Variants in SLC9A9 observed in about 807,000 individuals in gnomAD.
The protein encoded by SLC9A9 is solute carrier family 9 member A9, also known as sodium/hydrogen exchanger 9.
SLC9A9 carries 62 observed loss-of-function variants against 77.8 expected under a neutral mutation model. That is an observed-to-expected ratio of 0.80 (90% CI 0.65 to 0.98). The LOEUF is 0.98. Among genes scored for constraint, SLC9A9 ranks in the 50% least tolerant of loss-of-function variants. The pLI, the probability that SLC9A9 is intolerant of heterozygous loss-of-function variation, is 0.00. For synonymous variants in SLC9A9, 320 were observed against 283.5 expected (o/e 1.13, Z -1.29); for missense variants, 775 against 774.9 (o/e 1.00, Z 0.00).
intron 4 of SLC9A9, among the ~76,000 whole-genome samples, chr3:143,794,403 C>T (rs1275635385): frequency 1.3e-5 from 2 of 151,956 alleles, no homozygotes; most frequent in East Asian, 3.9e-4. Flanking sequence ...TTTGGTACCA[C>T]ATTTTACTTT....
At chr3:143,814,434 C>A (rs560091220) in intron 2 of SLC9A9, among the ~76,000 whole-genome samples, 1 of 151,958 alleles carries the variant, frequency 6.6e-6, no homozygotes, top group Non-Finnish European at 1.5e-5. Context: ...AGTGGCCCTA[C>A]CAGGGAGAGA....
intron 14 of SLC9A9, among the ~76,000 whole-genome samples, chr3:143,318,331 T>G (rs1198638175): frequency 6.6e-6 from 1 of 152,194 alleles, no homozygotes; most frequent in Non-Finnish European, 1.5e-5. Context: ...CTGCAATCTT[T>G]AAAATAAAAT....
rs867340323 is a variant in SLC9A9 at position 143,449,515 on chromosome 3, A to T, written c.1469+17522T>A. Among the ~76,000 whole-genome samples, 41 of 15,630 alleles carry T rather than the reference A, an allele frequency of 2.6e-3. 6 individuals are homozygous for T. The highest frequency in any genetic ancestry group is 8.4e-3 in the Admixed American group (5 of 592). 10.3% of individuals were successfully genotyped at this position (15,630 alleles called of 152,430 possible). A position where few individuals can be genotyped will look rare whatever the true frequency, so the allele number is the denominator to read the frequency against. ...ATTATATAATTATATAAAATATAAT[A>T]ATTATATAATTATATAAAATATAAT... is the stretch of plus-strand genomic sequence containing the variant. On this transcript the variant is annotated intron_variant, in intron 12 of 15. Coordinates refer to ENST00000316549, the MANE Select transcript of SLC9A9 (RefSeq NM_173653.4).
intron 11 of SLC9A9, among the ~76,000 whole-genome samples, chr3:143,468,185 C>A (rs2035317918): frequency 6.6e-6 from 1 of 152,138 alleles, no homozygotes; most frequent in Non-Finnish European, 1.5e-5. Context: ...GATATATGCC[C>A]AGGAGTACAA....
intron 2 of SLC9A9, among the ~76,000 whole-genome samples, chr3:143,810,761 CA>C (rs2008843502): frequency 6.6e-6 from 1 of 152,216 alleles, no homozygotes; most frequent in African/African-American, 2.4e-5. Context: ...TAATCATCTT[CA>C]ATGCTTTATT....
At chr3:143,772,287 T>C (rs1333614291) in intron 4 of SLC9A9, among the ~76,000 whole-genome samples, 1 of 152,098 alleles carries the variant, frequency 6.6e-6, no homozygotes, top group Non-Finnish European at 1.5e-5. Flanking sequence ...ACCTTCGTGC[T>C]CCAAGGCCTC....
chr3:143,703,286 G>A (rs1056116305), intron 4 of SLC9A9, among the ~76,000 whole-genome samples: 1 of 151,966 alleles, frequency 6.6e-6, no homozygotes, highest in Non-Finnish European at 1.5e-5. Context: ...TCAGCACATG[G>A]ATCATTCTCA....
intron 12 of SLC9A9, among the ~76,000 whole-genome samples, chr3:143,463,107 G>T (rs1375562290): frequency 6.6e-6 from 1 of 152,210 alleles, no homozygotes; most frequent in Non-Finnish European, 1.5e-5. Flanking sequence ...AGTGTTTAGA[G>T]GTCAAAATTT....
chr3:143,292,324 T>C (rs2030037234), intron 14 of SLC9A9, among the ~76,000 whole-genome samples: 1 of 152,238 alleles, frequency 6.6e-6, no homozygotes, highest in Non-Finnish European at 1.5e-5. Flanking sequence ...CACTTTTGGT[T>C]TTCAGGACTG....
In SLC9A9 at chr3:143,485,091, T is replaced by C. The variant is rs2035634635; in HGVS notation, c.1315+8562A>G. Reference sequence around the variant, plus strand: ...TAGCATAGTAGCAAGTCTTCCAACCTTCACCCTTCAGCCCTGTGGCAGGCA... The same window carrying C: ...TAGCATAGTAGCAAGTCTTCCAACCCTCACCCTTCAGCCCTGTGGCAGGCA... On this transcript the variant is annotated intron_variant, in intron 11 of 15. Transcript: ENST00000316549. Among the ~76,000 whole-genome samples, 3 of 152,232 alleles carry C rather than the reference T, an allele frequency of 2.0e-5. No individual in the cohort carries two copies. In the South Asian group the frequency reaches 6.2e-4, roughly 32 times the overall value.
intron 13 of SLC9A9, among the ~76,000 whole-genome samples, chr3:143,380,657 T>C (rs1272230034): frequency 6.6e-6 from 1 of 152,232 alleles, no homozygotes; most frequent in Non-Finnish European, 1.5e-5. Flanking sequence ...CTGTGCTCCA[T>C]CCTGCAGTTA....
In SLC9A9 at chr3:143,268,933, G is replaced by A; in HGVS notation, c.1652C>T (p.Thr551Ile). Residue 551 changes from threonine to isoleucine, a missense_variant, in exon 15 of 16, where the codon ACA becomes ATA. Transcript: ENST00000316549. The part of the protein sequence containing the change: ...LTHSGPPLTT[T>I]LPEWCGPISR... ...AATCGGACCACACCATTCAGGTAAT[G>A]TTGTAGTCAGCGGAGGACCAGAGTG... 1 of 1,613,708 alleles carries A rather than the reference G, an allele frequency of 6.2e-7. No individual in the cohort carries two copies. The highest frequency in any genetic ancestry group is 1.7e-4 in the Middle Eastern group (1 of 6,058).
chr3:143,357,784 G>T (rs1371178318), intron 14 of SLC9A9, among the ~76,000 whole-genome samples: 2 of 152,060 alleles, frequency 1.3e-5, no homozygotes, highest in African/African-American at 4.8e-5. Context: ...AACACTCTTT[G>T]TTCCTGTGAG....
intron 14 of SLC9A9, among the ~76,000 whole-genome samples, chr3:143,348,018 T>TG (rs2108470750): frequency 6.9e-6 from 1 of 145,472 alleles, no homozygotes; most frequent in East Asian, 2.0e-4. Context: ...AAGCAGTAAT[T>TG]TTTTTTTTTT....
At chr3:143,347,292 T>C (rs559056486) in intron 14 of SLC9A9, among the ~76,000 whole-genome samples, 1 of 152,294 alleles carries the variant, frequency 6.6e-6, no homozygotes, top group South Asian at 2.1e-4. Context: ...AGGGACCTTA[T>C]GTAGAGTTTA....
chr3:143,807,679 A>C (rs2008758856), intron 2 of SLC9A9, among the ~76,000 whole-genome samples: 2 of 152,206 alleles, frequency 1.3e-5, no homozygotes, highest in African/African-American at 4.8e-5. Context: ...TGGGAGGCGG[A>C]GGTTGCAGTA....
chr3:143,795,196 T>C lies in SLC9A9; in HGVS notation c.457-119A>G, dbSNP rs2008345158. The C allele has an allele frequency of 4.0e-6, 3 of 744,906 alleles. No homozygotes were observed. The African/African-American group carries it at 5.4e-5, about 13-fold the overall frequency. The allele number at this position is 744,906 out of a possible 1,614,324, so 46.1% of individuals were successfully genotyped here. On this transcript the variant is annotated intron_variant, in intron 3 of 15. Transcript: ENST00000316549. ...TCACTGTTTAGGCAAATTTTGGTTT[T>C]GGAGCCTCGTTCCTGGCCTTATTGT...
intron 12 of SLC9A9, among the ~76,000 whole-genome samples, chr3:143,466,685 C>T (rs2035285679): frequency 6.6e-6 from 1 of 152,196 alleles, no homozygotes; most frequent in Admixed American, 6.5e-5. Context: ...TGTATCAGTC[C>T]TACTGGATTG....
At chr3:143,821,952 A>G (rs2009175749) in intron 2 of SLC9A9, among the ~76,000 whole-genome samples, 1 of 152,198 alleles carries the variant, frequency 6.6e-6, no homozygotes, top group Admixed American at 6.5e-5. Context: ...CTCCCCTTCA[A>G]TGAAGGCTGT....
Sources: allele counts gnomAD v4.1 joint callset (sites outside exome capture counted in the v4.1 genomes callset), GRCh38; gene constraint gnomAD v4.1.1; transcripts MANE v1.5; gene names NCBI Gene and HGNC (gene_info 2026-07-23, HGNC 2026-07-21).